Variants in MTUS1 observed in about 807,000 individuals in gnomAD.
MTUS1 encodes the protein microtubule-associated tumor suppressor 1.
In MTUS1, 109 loss-of-function variants were observed where a neutral mutation model predicts 120.8. The ratio of observed to expected loss-of-function variants is 0.90; its 90% confidence interval spans 0.77 to 1.06. The LOEUF (loss-of-function observed/expected upper bound fraction) is 1.06. Ranked by LOEUF, MTUS1 falls within the 50% of genes least tolerant of loss-of-function variation. The pLI is 0.00. For missense variants in MTUS1, 2,210 were observed against 1,486.3 expected, an observed-to-expected ratio of 1.49 and a Z score of -8.01; for synonymous variants, 737 against 550.5, an observed-to-expected ratio of 1.34 and a Z score of -4.74.
chr8:17,727,635 AG>A (rs2046307845), intron 3 of MTUS1, among the ~76,000 whole-genome samples: 1 of 152,232 alleles, frequency 6.6e-6, no homozygotes, highest in African/African-American at 2.4e-5. Context: ...ATTCTTAAAC[AG>A]TGAAATCAAT....
chr8:17,654,365 G>A, intron 10 of MTUS1, 196 bp downstream of exon 10: 1 of 582,686 alleles, frequency 1.7e-6, no homozygotes. Context: ...GCTGGCATTT[G>A]TAACTATTAT....
At chr8:17,757,576 GAGTGC>G (rs2048719820) in intron 1 of MTUS1, among the ~76,000 whole-genome samples, 1 of 152,162 alleles carries the variant, frequency 6.6e-6, no homozygotes, top group Non-Finnish European at 1.5e-5. Flanking sequence ...ACCCAGGCTG[GAGTGC>G]AGTGATGCAA....
chr8:17,724,717 G>C (rs557914008), intron 3 of MTUS1, among the ~76,000 whole-genome samples: 2 of 152,168 alleles, frequency 1.3e-5, no homozygotes, highest in South Asian at 4.2e-4. Context: ...CCAGTCTTTC[G>C]CTCTTAACCC....
intron 1 of MTUS1, among the ~76,000 whole-genome samples, chr8:17,790,649 C>A (rs556271149): frequency 6.6e-6 from 1 of 152,070 alleles, no homozygotes; most frequent in Non-Finnish European, 1.5e-5. Flanking sequence ...GAAAATAAAC[C>A]GTAATTCTCA....
At chr8:17,656,614 T>C (rs1009477099) in intron 8 of MTUS1, among the ~76,000 whole-genome samples, 60 of 135,756 alleles carry the variant, frequency 4.4e-4, no homozygotes, top group Admixed American at 2.9e-3. Flanking sequence ...AAGACCCAGG[T>C]TTCTAAGAGA....
intron 3 of MTUS1, among the ~76,000 whole-genome samples, chr8:17,729,134 G>A (rs2046400215): frequency 6.6e-6 from 1 of 152,056 alleles, no homozygotes. Flanking sequence ...TATAACTTGG[G>A]TTCCTTAAAT....
At chr8:17,666,488 A>AT (rs1483319937) in intron 8 of MTUS1, among the ~76,000 whole-genome samples, 3 of 152,070 alleles carry the variant, frequency 2.0e-5, no homozygotes, top group Non-Finnish European at 2.9e-5. Context: ...ATATGTATGT[A>AT]TTTTTTTACA....
chr8:17,747,265 T>C (rs777252886), intron 2 of MTUS1, among the ~76,000 whole-genome samples: 7 of 152,146 alleles, frequency 4.6e-5, no homozygotes, highest in African/African-American at 7.2e-5. Flanking sequence ...GAAAATCTTC[T>C]CATATTTCTT....
At chr8:17,715,621 G>A (rs1667602804) in intron 5 of MTUS1, 146 bp downstream of exon 5, 1 of 879,478 alleles carries the variant, frequency 1.1e-6, no homozygotes, top group Non-Finnish European at 1.7e-6. Flanking sequence ...TTTCCTCAGT[G>A]CAAAAATGTA....
intron 1 of MTUS1, among the ~76,000 whole-genome samples, chr8:17,761,411 A>C (rs1478104311): frequency 2.0e-5 from 3 of 152,206 alleles, no homozygotes; most frequent in Non-Finnish European, 4.4e-5. Context: ...AGAAATTTTA[A>C]AGATCCAATT....
In MTUS1 at chr8:17,753,844, T is replaced by C. The variant is rs771615484; in HGVS notation, c.1964A>G (p.Tyr655Cys). The stretch of plus-strand genomic sequence containing the variant: ...GCTAATCCTATCAATGTTGGGAACA[T>C]AGGTCATTTCCAAACATTCTGCACT... ...MESAECLEMTYVPNIDRISPE... is the reference protein window; with the variant it reads ...MESAECLEMTCVPNIDRISPE... Residue 655 changes from tyrosine (Y) to cysteine (C), a missense_variant, in exon 2 of 15, where the codon TAT becomes TGT. Physicochemically the swap from Tyr to Cys is radical, Grantham distance 194. Coordinates refer to ENST00000693296, the MANE Select transcript of MTUS1 (RefSeq NM_001363059.2). 1.7e-5 allele frequency: 28 copies of C among 1,613,984 alleles called. No individual in the cohort carries two copies. The highest frequency in any genetic ancestry group is 6.7e-5 in the African/African-American group (5 of 74,932).
intron 1 of MTUS1, among the ~76,000 whole-genome samples, chr8:17,768,184 G>C (rs1586286208): frequency 1.3e-5 from 2 of 152,336 alleles, no homozygotes; most frequent in South Asian, 4.1e-4. Context: ...ACATTCTAGA[G>C]AGATACACGA....
chr8:17,784,716 G>A (rs1489101374), intron 1 of MTUS1, among the ~76,000 whole-genome samples: 1 of 152,048 alleles, frequency 6.6e-6, no homozygotes, highest in African/African-American at 2.4e-5. Flanking sequence ...GCTACAGAAT[G>A]GGGGCATTTC....
chr8:17,738,341 A>C (rs1466918713), intron 3 of MTUS1, among the ~76,000 whole-genome samples: 1 of 152,162 alleles, frequency 6.6e-6, no homozygotes, highest in East Asian at 1.9e-4. Flanking sequence ...CAGGGAGAGC[A>C]TTCTGCGCTA....
chr8:17,653,626 A>G, intron 10 of MTUS1, 128 bp from the exon 11 acceptor site: 1 of 666,386 alleles, frequency 1.5e-6, no homozygotes, highest in Non-Finnish European at 2.5e-6. Context: ...CATCTATAGT[A>G]TGCTTTTATG....
chr8:17,747,214 C>G (rs2047828070), intron 2 of MTUS1, among the ~76,000 whole-genome samples: 1 of 147,550 alleles, frequency 6.8e-6, no homozygotes, highest in Non-Finnish European at 1.5e-5. Context: ...GGGTTCCATT[C>G]TCCCAGCTCC....
At chr8:17,670,410 G>A (rs1175265115) in intron 8 of MTUS1, among the ~76,000 whole-genome samples, 1 of 152,138 alleles carries the variant, frequency 6.6e-6, no homozygotes, top group Non-Finnish European at 1.5e-5. Flanking sequence ...CTATTTAAGG[G>A]GTAAGTGAAC....
At chr8:17,658,638 C>A (rs1808990416) in intron 8 of MTUS1, among the ~76,000 whole-genome samples, 2 of 152,154 alleles carry the variant, frequency 1.3e-5, no homozygotes, top group South Asian at 4.1e-4. Flanking sequence ...TAACCCTTAC[C>A]TCTCTTTGGA....
intron 2 of MTUS1, among the ~76,000 whole-genome samples, chr8:17,749,743 G>A (rs948033314): frequency 3.3e-5 from 5 of 151,612 alleles, no homozygotes; most frequent in Non-Finnish European, 7.4e-5. Flanking sequence ...ACTTCCAGTT[G>A]TCTCTCCTTT....
Sources: gnomAD v4.1 joint callset for allele counts (sites outside exome capture counted in the v4.1 genomes callset) on GRCh38, gnomAD v4.1.1 for gene constraint, MANE v1.5 for transcripts, NCBI Gene and HGNC (gene_info 2026-07-23, HGNC 2026-07-21) for gene names.